RALGAPA2: variants seen among roughly 807,000 people sequenced by gnomAD.
RALGAPA2 encodes Ral GTPase activating protein catalytic subunit alpha 2.
In RALGAPA2, 139 loss-of-function variants were observed where a neutral mutation model predicts 230.4. The observed-to-expected ratio is 0.60, with a 90% CI of 0.53 to 0.69. RALGAPA2 has a LOEUF of 0.69. Among genes scored for constraint, RALGAPA2 ranks in the 30% least tolerant of loss-of-function variants. The pLI is 0.00. For synonymous variants in RALGAPA2, 847 were observed against 837.8 expected (o/e 1.01, Z -0.19); for missense variants, 2,163 against 2,276.0 (o/e 0.95, Z 1.01).
chr20:20,639,817 G>A lies in RALGAPA2; in HGVS notation c.634C>T (p.Leu212Phe), dbSNP rs764897307. The A allele has an allele frequency of 6.2e-7, 1 of 1,613,226 alleles. No homozygotes were observed. Among genetic ancestry groups the A allele is most frequent in the Admixed American group, 1.7e-5 (1 of 60,016 alleles). Residue 212 changes from leucine (L) to phenylalanine (F), a missense_variant, in exon 7 of 40, where the codon CTT (leucine) becomes TTT (phenylalanine). Physicochemically the swap from Leu to Phe is conservative, Grantham distance 22. Transcript: ENST00000202677. ...ACCATATACTTCAACAGTATTTGAA[G>A]AAAAAAGCAGGTTTGGTCCTCAGCA... is the stretch of plus-strand genomic sequence containing the variant. ...KIAEDQTCFFLQILLKYMVIQ... is the reference protein window; with the variant it reads ...KIAEDQTCFFFQILLKYMVIQ...
intron 27 of RALGAPA2, among the ~76,000 whole-genome samples, chr20:20,526,675 G>A (rs1569463627): frequency 6.6e-6 from 1 of 152,064 alleles, no homozygotes; most frequent in Non-Finnish European, 1.5e-5. Context: ...TCATATTTTT[G>A]ACAACTAGAG....
chr20:20,582,759 C>T (rs1317083939), intron 20 of RALGAPA2, among the ~76,000 whole-genome samples: 1 of 152,256 alleles, frequency 6.6e-6, no homozygotes, highest in Non-Finnish European at 1.5e-5. Context: ...TATCAAAATA[C>T]TTTATTTAAA....
chr20:20,533,388 C>G (rs2075921152), intron 26 of RALGAPA2, among the ~76,000 whole-genome samples: 1 of 151,670 alleles, frequency 6.6e-6, no homozygotes, highest in African/African-American at 2.4e-5. Context: ...AAAAAAAATC[C>G]TCCTTAGAAA....
chr20:20,497,140 T>C (rs1314704325), intron 35 of RALGAPA2, among the ~76,000 whole-genome samples: 1 of 152,152 alleles, frequency 6.6e-6, no homozygotes, highest in Non-Finnish European at 1.5e-5. Flanking sequence ...TTAAACAAAA[T>C]ACAACCCTGG....
chr20:20,465,728 G>T (rs2061408039), intron 37 of RALGAPA2, among the ~76,000 whole-genome samples: 1 of 152,102 alleles, frequency 6.6e-6, no homozygotes, highest in Non-Finnish European at 1.5e-5. Context: ...CTTCTCACGG[G>T]CCTCATTTCC....
intron 37 of RALGAPA2, among the ~76,000 whole-genome samples, chr20:20,468,220 T>G (rs1452988732): frequency 6.6e-6 from 1 of 152,216 alleles, no homozygotes; most frequent in East Asian, 1.9e-4. Flanking sequence ...CAAACACATG[T>G]CACCTTTGGT....
chr20:20,629,514 T>G lies in RALGAPA2; in HGVS notation c.1082A>C (p.His361Pro). The G allele has an allele frequency of 6.2e-7, 1 of 1,613,970 alleles. No homozygotes were observed. The highest frequency in any genetic ancestry group is 1.1e-5 in the South Asian group (1 of 91,076). Residue 361 changes from histidine to proline, a missense_variant, in exon 10 of 40, where the codon CAT (histidine) becomes CCT (proline). Transcript: ENST00000202677. ...GGGPTEQDKS[H>P]SNSSTLSDRR... ...GTCCGACAAGGTGCTGCTGTTAGAA[T>G]GGCTTTTGTCCTGCTCCGTGGGCCC...
At chr20:20,580,720 G>A (rs1470660448) in intron 20 of RALGAPA2, among the ~76,000 whole-genome samples, 1 of 152,024 alleles carries the variant, frequency 6.6e-6, no homozygotes, top group Admixed American at 6.6e-5. Context: ...CAAATCCCAG[G>A]TAAACTTTAA....
chr20:20,550,564 A>G (rs979703956), intron 23 of RALGAPA2, among the ~76,000 whole-genome samples: 1 of 152,186 alleles, frequency 6.6e-6, no homozygotes, highest in African/African-American at 2.4e-5. Context: ...GTGTGATTCA[A>G]TGCTATTCAG....
intron 23 of RALGAPA2, among the ~76,000 whole-genome samples, chr20:20,562,963 T>G (rs1206912946): frequency 6.6e-6 from 1 of 152,236 alleles, no homozygotes; most frequent in African/African-American, 2.4e-5. Flanking sequence ...GATGAATCTG[T>G]GGCTTGTCCA....
At chr20:20,602,813 CGTGTGTGTGTGTGT>C (rs35087554) in intron 15 of RALGAPA2, among the ~76,000 whole-genome samples, 4 of 147,676 alleles carry the variant, frequency 2.7e-5, no homozygotes, top group South Asian at 2.2e-4. Context: ...GAATGGCAGG[CGTGTGTGTGTGTGT>C]GTGTGTGTGT....
intron 38 of RALGAPA2, among the ~76,000 whole-genome samples, chr20:20,400,811 T>A (rs1232402642): frequency 6.6e-6 from 1 of 152,138 alleles, no homozygotes; most frequent in African/African-American, 2.4e-5. Context: ...AATGGACCAA[T>A]AAAATGTGGT....
rs543048624 is a variant in RALGAPA2, at chr20:20,536,545, C to T, written c.3414+111G>A. On this transcript the variant is annotated intron_variant, in intron 25 of 39. Coordinates refer to ENST00000202677, the MANE Select transcript of RALGAPA2 (RefSeq NM_020343.4). ...CAACTACTGAAACATTTAAAAGATA[C>T]AGCAAAACTTCAGGAATAAGCAGAT... 15 of 1,227,170 alleles carry T rather than the reference C, an allele frequency of 1.2e-5. No homozygotes were observed. In the Admixed American group the frequency reaches 2.1e-4, roughly 17 times the overall value. 76.0% of individuals were successfully genotyped at this position (1,227,170 alleles called of 1,614,324 possible). A position where few individuals can be genotyped will look rare whatever the true frequency, so the allele number is the denominator to read the frequency against.
chr20:20,629,548 C>A lies in RALGAPA2; in HGVS notation c.1048G>T (p.Asp350Tyr), dbSNP rs370178649. Residue 350 changes from aspartate to tyrosine, a missense_variant, in exon 10 of 40, where the codon GAT becomes TAT. Coordinates refer to ENST00000202677, the MANE Select transcript of RALGAPA2 (RefSeq NM_020343.4). ...GAVQERAPEL[D>Y]GGGPTEQDKS... Reference sequence around the variant, plus strand: ...TCCTGCTCCGTGGGCCCACCACCATCCAGCTCAGGCGCTCTCTCCTGCACA... The same window carrying A: ...TCCTGCTCCGTGGGCCCACCACCATACAGCTCAGGCGCTCTCTCCTGCACA... The A allele has an allele frequency of 3.1e-6, 5 of 1,613,670 alleles. No individual in the cohort carries two copies. Among genetic ancestry groups the A allele is most frequent in the Non-Finnish European group, 4.2e-6 (5 of 1,179,896 alleles).
intron 3 of RALGAPA2, among the ~76,000 whole-genome samples, chr20:20,676,002 C>T (rs1162760649): frequency 6.6e-6 from 1 of 151,984 alleles, no homozygotes; most frequent in Non-Finnish European, 1.5e-5. Flanking sequence ...AATAATTTCA[C>T]ATCTAGGTAC....
intron 10 of RALGAPA2, among the ~76,000 whole-genome samples, chr20:20,622,027 C>T (rs1231051393): frequency 6.6e-6 from 1 of 152,024 alleles, no homozygotes; most frequent in Non-Finnish European, 1.5e-5. Flanking sequence ...ATATCAATAT[C>T]GAGATAACTG....
intron 20 of RALGAPA2, among the ~76,000 whole-genome samples, chr20:20,581,991 G>GCT (rs2064998842): frequency 6.6e-6 from 1 of 151,978 alleles, no homozygotes; most frequent in Admixed American, 6.6e-5. Context: ...AAAAGTCTTG[G>GCT]CTCTGGTCAG....
At chr20:20,670,809 C>A (rs978643115) in intron 3 of RALGAPA2, among the ~76,000 whole-genome samples, 4 of 151,872 alleles carry the variant, frequency 2.6e-5, no homozygotes, top group African/African-American at 9.7e-5. Context: ...ATTAGCCGGG[C>A]ACGGTGGCAG....
intron 37 of RALGAPA2, among the ~76,000 whole-genome samples, chr20:20,469,953 C>T (rs1184835475): frequency 6.6e-6 from 1 of 152,176 alleles, no homozygotes; most frequent in Admixed American, 6.5e-5. Flanking sequence ...TTGATTTAGC[C>T]TGCAGAGGAC....
Sources: gnomAD v4.1 joint callset for allele counts (sites outside exome capture counted in the v4.1 genomes callset) on GRCh38, gnomAD v4.1.1 for gene constraint, MANE v1.5 for transcripts, NCBI Gene and HGNC (gene_info 2026-07-23, HGNC 2026-07-21) for gene names.